DMGDH: variants seen among roughly 807,000 people sequenced by gnomAD.
DMGDH encodes the protein dimethylglycine dehydrogenase, mitochondrial.
In DMGDH, 76 loss-of-function variants were observed where a neutral mutation model predicts 95.2. That is an observed-to-expected ratio of 0.80 (90% CI 0.66 to 0.97). DMGDH has a LOEUF of 0.97. DMGDH is among the 50% of genes least tolerant of loss of function. DMGDH has a pLI of 0.00. For synonymous variants in DMGDH, 345 were observed against 377.6 expected, an observed-to-expected ratio of 0.91 and a Z score of 1.00; for missense variants, 987 against 1,055.0, an observed-to-expected ratio of 0.94 and a Z score of 0.89.
chr5:79,032,854 A>G lies in DMGDH; in HGVS notation c.1364-14T>C. 6.2e-7 allele frequency: 1 copy of G among 1,614,026 alleles called. No homozygotes were observed. Among genetic ancestry groups the G allele is most frequent in the South Asian group, 1.1e-5 (1 of 91,080 alleles). ...TAGGATAACCAACTGAAAAGGAAAA[A>G]TTGGTACTTTAAATCACATATAGCC... On this transcript the variant is annotated splice_polypyrimidine_tract_variant and intron_variant, in intron 8 of 15. Transcript: ENST00000255189.
At chr5:79,064,053 C>T (rs140383148) in intron 1 of DMGDH, among the ~76,000 whole-genome samples, 22 of 151,848 alleles carry the variant, frequency 1.4e-4, no homozygotes, top group African/African-American at 4.8e-4. Flanking sequence ...TTCTTTTTTT[C>T]AAAGAATCTA....
intron 5 of DMGDH, among the ~76,000 whole-genome samples, chr5:79,047,212 A>G (rs1037173667): frequency 5.9e-5 from 9 of 152,190 alleles, no homozygotes; most frequent in Non-Finnish European, 4.4e-5. Context: ...ATCACCTGAA[A>G]AACAACTAAA....
intron 1 of DMGDH, among the ~76,000 whole-genome samples, chr5:79,066,670 A>G (rs919072614): frequency 1.3e-5 from 2 of 152,098 alleles, no homozygotes; most frequent in African/African-American, 2.4e-5. Flanking sequence ...GACTTATGTT[A>G]TGCATTTTTG....
At chr5:79,014,329 A>T (rs920793059) in intron 14 of DMGDH, among the ~76,000 whole-genome samples, 4 of 152,198 alleles carry the variant, frequency 2.6e-5, no homozygotes, top group African/African-American at 9.6e-5. Flanking sequence ...CGGTTTTTTA[A>T]TCTGATGATT....
At chr5:79,012,946 T>C (rs948961403) in intron 14 of DMGDH, among the ~76,000 whole-genome samples, 2 of 152,244 alleles carry the variant, frequency 1.3e-5, no homozygotes, top group Non-Finnish European at 2.9e-5. Context: ...CAAGACCTTT[T>C]TCCCCAGTGT....
At chr5:79,008,238 G>A (rs1411954357) in intron 14 of DMGDH, among the ~76,000 whole-genome samples, 3 of 152,160 alleles carry the variant, frequency 2.0e-5, no homozygotes, top group Non-Finnish European at 4.4e-5. Flanking sequence ...ACCCAGTTCC[G>A]CCTGGGATGG....
At chr5:79,065,764 C>T (rs1755359786) in intron 1 of DMGDH, among the ~76,000 whole-genome samples, 1 of 152,102 alleles carries the variant, frequency 6.6e-6, no homozygotes, top group South Asian at 2.1e-4. Flanking sequence ...GTTTGTTTAA[C>T]CAGCATCACT....
intron 14 of DMGDH, among the ~76,000 whole-genome samples, chr5:79,018,097 G>C (rs1214108186): frequency 1.3e-5 from 2 of 152,150 alleles, no homozygotes; most frequent in African/African-American, 4.8e-5. Flanking sequence ...GCCCTGGCTG[G>C]AGTGCAGTGG....
chr5:79,026,077 A>C (rs1441464847), intron 13 of DMGDH, among the ~76,000 whole-genome samples: 1 of 152,240 alleles, frequency 6.6e-6, no homozygotes, highest in East Asian at 1.9e-4. Flanking sequence ...AAAAGGTATA[A>C]GATAAGAAGA....
In DMGDH at chr5:79,035,930, G is replaced by C. The variant is rs896609746; in HGVS notation, c.1194-2522C>G. ...CCTTTATTTTCCATATCATGTTCTT[G>C]ATTTTAAAGTATCATCTTAGGAAAA... On this transcript the variant is annotated intron_variant, in intron 7 of 15. Transcript: ENST00000255189. Among the ~76,000 whole-genome samples the C allele has an allele frequency of 1.7e-3, 252 of 152,104 alleles. 4 individuals are homozygous for C. The highest frequency in any genetic ancestry group is 0.016 in the Admixed American group (245 of 15,268).
chr5:79,059,317 G>T (rs1755127174), intron 2 of DMGDH, among the ~76,000 whole-genome samples: 1 of 152,150 alleles, frequency 6.6e-6, no homozygotes, highest in Admixed American at 6.6e-5. Flanking sequence ...TTCAATGGTG[G>T]TATAGCTGCA....
intron 14 of DMGDH, chr5:79,020,989 C>T: frequency 1.0e-6 from 1 of 985,434 alleles, no homozygotes; most frequent in Non-Finnish European, 1.2e-6. Context: ...TGCATTTCTT[C>T]CATCTCCAAC....
In DMGDH at chr5:79,028,630, A is replaced by G; in HGVS notation, c.1835T>C (p.Val612Ala). The change falls in exon 12 of 16, where the codon GTC becomes GCC. Residue 612 changes from valine to alanine, a missense_variant. By Grantham distance (64) the Val-to-Ala change is moderately conservative (BLOSUM62 0). Transcript: ENST00000255189. Reference sequence around the variant, plus strand: ...AATTTCAACATCATATCCACCTTTGACTGCTTCTTCTTCAATCCATCTGCG... The same window carrying G: ...AATTTCAACATCATATCCACCTTTGGCTGCTTCTTCTTCAATCCATCTGCG... ...HDLRWIEEEA[V>A]KGGYDVEIKN... 6.2e-7 allele frequency: 1 copy of G among 1,614,144 alleles called. No homozygotes were observed. The highest frequency in any genetic ancestry group is 8.5e-7 in the Non-Finnish European group (1 of 1,180,026).
intron 7 of DMGDH, among the ~76,000 whole-genome samples, chr5:79,037,322 G>C (rs1424724274): frequency 6.6e-6 from 1 of 152,184 alleles, no homozygotes; most frequent in Non-Finnish European, 1.5e-5. Context: ...TCAAGACTCT[G>C]CTTTTTAACG....
intron 12 of DMGDH, 101 bp downstream of exon 12, chr5:79,028,332 T>G: frequency 1.9e-6 from 2 of 1,049,990 alleles, no homozygotes; most frequent in Non-Finnish European, 2.9e-6. Context: ...GCATACACAC[T>G]CACACATTTC....
intron 14 of DMGDH, chr5:79,020,998 A>G (rs1753852134): frequency 3.0e-6 from 3 of 985,350 alleles, no homozygotes; most frequent in African/African-American, 1.7e-5. Flanking sequence ...TCCATCTCCA[A>G]CTAAACAAAG....
chr5:79,013,998 C>T (rs1395274929), intron 14 of DMGDH, among the ~76,000 whole-genome samples: 2 of 152,170 alleles, frequency 1.3e-5, no homozygotes, highest in African/African-American at 2.4e-5. Flanking sequence ...ATATCACTCC[C>T]ACACACAGGT....
chr5:79,041,866 G>T (rs1302412203), intron 7 of DMGDH, among the ~76,000 whole-genome samples: 1 of 152,150 alleles, frequency 6.6e-6, no homozygotes, highest in Non-Finnish European at 1.5e-5. Context: ...CCGGCGTGAT[G>T]CCGGGTGCCT....
chr5:79,069,338 G>A (rs1197631942), intron 1 of DMGDH, among the ~76,000 whole-genome samples, 182 bp downstream of exon 1: 1 of 152,248 alleles, frequency 6.6e-6, no homozygotes, highest in Non-Finnish European at 1.5e-5. Flanking sequence ...GGGCAGGAGA[G>A]ACTTTACACG....
Sources: gnomAD v4.1 joint callset for allele counts (sites outside exome capture counted in the v4.1 genomes callset) on GRCh38, gnomAD v4.1.1 for gene constraint, MANE v1.5 for transcripts, NCBI Gene and HGNC (gene_info 2026-07-23, HGNC 2026-07-21) for gene names.